Variants in MEIS2 observed in about 807,000 individuals in gnomAD.
MEIS2 encodes the protein homeobox protein Meis2.
Under a neutral mutation model 58.6 loss-of-function variants are expected in MEIS2, and 9 were observed. The ratio of observed to expected loss-of-function variants is 0.15; its 90% CI spans 0.09 to 0.27. The LOEUF (loss-of-function observed/expected upper bound fraction) is 0.27, where lower values mean the gene tolerates loss of function less well. Among genes scored for constraint, MEIS2 ranks in the 10% least tolerant of loss-of-function variants. MEIS2 has a pLI of 1.00. For missense variants in MEIS2, 427 were observed against 635.0 expected (o/e 0.67, Z 3.52); for synonymous variants, 221 against 228.4 (o/e 0.97, Z 0.29).
At chr15:37,013,318 C>G (rs2061229254) in intron 8 of MEIS2, among the ~76,000 whole-genome samples, 1 of 152,094 alleles carries the variant, frequency 6.6e-6, no homozygotes, top group African/African-American at 2.4e-5. Context: ...CACCTGTAAT[C>G]CCAGCACTTT....
intron 11 of MEIS2, chr15:36,894,564 T>C: frequency 1.8e-6 from 1 of 569,992 alleles, no homozygotes; most frequent in Non-Finnish European, 3.0e-6. Context: ...ATCTGTGACT[T>C]CAGAGATGGG....
At chr15:36,897,159 C>T (rs1186379352) in intron 9 of MEIS2, 1 of 161,990 alleles carries the variant, frequency 6.2e-6, no homozygotes, top group African/African-American at 2.4e-5. Flanking sequence ...GAAGTTTTAT[C>T]ACCAACACAG....
intron 7 of MEIS2, among the ~76,000 whole-genome samples, chr15:37,041,697 G>A (rs1290336848): frequency 6.6e-6 from 1 of 152,132 alleles, no homozygotes; most frequent in Non-Finnish European, 1.5e-5. Context: ...ACTATGAGAG[G>A]ATCCTCAGAT....
chr15:36,898,021 A>C (rs1457243591), intron 9 of MEIS2: 1 of 152,222 alleles, frequency 6.6e-6, no homozygotes, highest in African/African-American at 2.4e-5. Flanking sequence ...GAGGAATAAT[A>C]GCTGGGAGAA....
Position 37,083,648 on chromosome 15 carries a change from C to T in MEIS2, c.754+123G>A, listed in dbSNP as rs1892523840. 4.8e-6 allele frequency: 3 copies of T among 622,596 alleles called. No homozygotes were observed. The South Asian group carries it at 8.1e-5, about 17-fold the overall frequency. 38.6% of individuals were successfully genotyped at this position (622,596 alleles called of 1,614,324 possible). A position where few individuals can be genotyped will look rare whatever the true frequency, so the allele number is the denominator to read the frequency against. ...GAAATACTGTCTCTTTAAATAGCAG[C>T]TGATTCTACTCCCTAACCTGCCACT... On this transcript the variant is annotated intron_variant, in intron 7 of 11. Transcript: ENST00000561208.
chr15:36,925,294 A>T (rs2057700417), intron 9 of MEIS2, among the ~76,000 whole-genome samples: 1 of 152,198 alleles, frequency 6.6e-6, no homozygotes, highest in East Asian at 1.9e-4. Flanking sequence ...CTGAGTGTTT[A>T]TTATACATGG....
intron 8 of MEIS2, among the ~76,000 whole-genome samples, chr15:36,991,540 T>C (rs961114584): frequency 2.0e-5 from 3 of 152,128 alleles, no homozygotes; most frequent in Admixed American, 6.5e-5. Context: ...ATAAGGTTGA[T>C]GGTATAATGC....
Position 37,098,133 on chromosome 15 carries a change from G to T in MEIS2, c.79C>A (p.Pro27Thr), listed in dbSNP as rs1482810038. The T allele has an allele frequency of 1.2e-6, 2 of 1,613,400 alleles. No homozygotes were observed. Among genetic ancestry groups the T allele is most frequent in the Non-Finnish European group, 8.5e-7 (1 of 1,179,790 alleles). Residue 27 changes from proline (P) to threonine (T), a missense_variant, in exon 2 of 12, where the codon CCT (proline) becomes ACT (threonine). Physicochemically the swap from Pro to Thr is conservative, Grantham distance 38. Around this residue, in one of 6 missense-constraint regions of MEIS2, gnomAD observed 103 missense variants for 111.8 expected, o/e 0.92. Coordinates refer to ENST00000561208, the MANE Select transcript of MEIS2 (RefSeq NM_170675.5). The part of the protein sequence containing the change: ...VGVPASMYGD[P>T]HAPRPIPPVH... The stretch of plus-strand genomic sequence containing the variant: ...GGGGGGATCGGCCGCGGCGCGTGAG[G>T]GTCTCCGTACATGGAAGCGGGAACC...
chr15:36,938,141 G>A (rs747145354), intron 9 of MEIS2, among the ~76,000 whole-genome samples: 7 of 152,126 alleles, frequency 4.6e-5, no homozygotes, highest in Non-Finnish European at 8.8e-5. Flanking sequence ...AAATCAAAGT[G>A]TGGCTTTGCC....
intron 7 of MEIS2, among the ~76,000 whole-genome samples, chr15:37,059,529 T>A (rs1334622864): frequency 2.6e-5 from 4 of 152,156 alleles, no homozygotes; most frequent in Non-Finnish European, 4.4e-5. Flanking sequence ...AAAAGCTTAA[T>A]TAAATAGCCT....
At chr15:36,971,837 T>G (rs548876402) in intron 8 of MEIS2, among the ~76,000 whole-genome samples, 2 of 152,290 alleles carry the variant, frequency 1.3e-5, no homozygotes, top group Admixed American at 6.5e-5. Context: ...TTCACATAAT[T>G]GGGGTTGAAA....
chr15:36,921,908 G>A (rs1409689006), intron 9 of MEIS2, among the ~76,000 whole-genome samples: 1 of 152,170 alleles, frequency 6.6e-6, no homozygotes, highest in Non-Finnish European at 1.5e-5. Context: ...CCTTACGTAC[G>A]AGGGCTTCCG....
chr15:36,969,815 C>A (rs1039737909), intron 8 of MEIS2, among the ~76,000 whole-genome samples: 1 of 152,164 alleles, frequency 6.6e-6, no homozygotes, highest in African/African-American at 2.4e-5. Flanking sequence ...CAATTACAAT[C>A]TTTGAAGATC....
intron 7 of MEIS2, among the ~76,000 whole-genome samples, chr15:37,058,148 C>A (rs1424485375): frequency 6.6e-6 from 1 of 152,014 alleles, no homozygotes; most frequent in Non-Finnish European, 1.5e-5. Context: ...TCTCCCTACT[C>A]CCCCCACACC....
intron 9 of MEIS2, among the ~76,000 whole-genome samples, chr15:36,944,928 A>C (rs2058508745): frequency 6.6e-6 from 1 of 151,988 alleles, no homozygotes; most frequent in Admixed American, 6.6e-5. Context: ...TACCTCATTT[A>C]GATTTCTTGC....
At chr15:36,960,503 GAA>G (rs147976426) in intron 8 of MEIS2, among the ~76,000 whole-genome samples, 52 of 152,136 alleles carry the variant, frequency 3.4e-4, no homozygotes, top group African/African-American at 1.2e-3. Context: ...GGAGGGCTAG[GAA>G]ACACAACCCC....
rs10152841 is a variant in MEIS2, at chr15:37,096,036, G to C, written c.387+253C>G. On this transcript the variant is annotated intron_variant, in intron 3 of 11. Transcript: ENST00000561208. ...GGCGGGGGAAAAAGGCCAAGCCCCA[G>C]ATTAGGAGCAGGTCAACTTTAATTC... The C allele has an allele frequency of 1.6e-4, 76 of 481,282 alleles. No individual in the cohort carries two copies. In the South Asian group the frequency reaches 1.8e-3, roughly 11 times the overall value. The allele number at this position is 481,282 out of a possible 1,614,324, so 29.8% of individuals were successfully genotyped here. A position where few individuals can be genotyped will look rare whatever the true frequency, so the allele number is the denominator to read the frequency against.
chr15:37,087,161 T>C (rs984964597), intron 6 of MEIS2, among the ~76,000 whole-genome samples: 1 of 152,170 alleles, frequency 6.6e-6, no homozygotes, highest in Admixed American at 6.5e-5. Context: ...TTCAGGTATA[T>C]GCATGCCACA....
At chr15:36,950,254 G>T in intron 9 of MEIS2, 70 bp downstream of exon 9, 6 of 1,135,872 alleles carry the variant, frequency 5.3e-6, no homozygotes, top group Non-Finnish European at 7.6e-6. Flanking sequence ...AAAAAAAAAA[G>T]AGAGAAAACC....
Sources: gnomAD v4.1 joint callset for allele counts (sites outside exome capture counted in the v4.1 genomes callset) on GRCh38, gnomAD v4.1.1 for gene constraint, gnomAD v4.1.1 regional missense constraint, MANE v1.5 for transcripts, NCBI Gene and HGNC (gene_info 2026-07-23, HGNC 2026-07-21) for gene names.